The following FRMD5 variants were observed in gnomAD, a reference collection of about 807,000 sequenced individuals.
The protein encoded by FRMD5 is FERM domain-containing protein 5.
A neutral mutation model predicts 69.0 loss-of-function variants in FRMD5; 20 were observed. That is an observed-to-expected ratio of 0.29 (90% CI 0.20 to 0.42). The LOEUF (loss-of-function observed/expected upper bound fraction) is 0.42. Among genes scored for constraint, FRMD5 ranks in the 10% least tolerant of loss-of-function variants. The pLI, the probability that FRMD5 is intolerant of heterozygous loss-of-function variation, is 1.00. For missense variants in FRMD5, 595 were observed against 708.6 expected (o/e 0.84, Z 1.82); for synonymous variants, 271 against 260.1 (o/e 1.04, Z -0.40).
In FRMD5 at chr15:44,011,720, G is replaced by T. The variant is rs562571597; in HGVS notation, c.103-87411C>A. Among the ~76,000 whole-genome samples the T allele has an allele frequency of 7.2e-5, 11 of 152,270 alleles. No individual in the cohort carries two copies. In the South Asian group the frequency reaches 2.3e-3, roughly 32 times the overall value. ...AACCTTAGGGAATACTTGCATTTAG[G>T]ATAAGAAAAAGACCCTGATGACGCC... On this transcript the variant is annotated intron_variant, in intron 1 of 13. Transcript: ENST00000417257.
chr15:43,906,892 C>T (rs1359248892), intron 5 of FRMD5, among the ~76,000 whole-genome samples: 3 of 152,154 alleles, frequency 2.0e-5, no homozygotes, highest in Admixed American at 1.3e-4. Context: ...TGAGCCACCG[C>T]ACCCGGCCGA....
intron 1 of FRMD5, chr15:44,064,062 C>T: frequency 4.8e-6 from 1 of 209,976 alleles, no homozygotes; most frequent in East Asian, 1.4e-4. Context: ...TCACGGACAC[C>T]CAGAAGACTG....
chr15:43,975,009 G>A (rs868095401), intron 1 of FRMD5, among the ~76,000 whole-genome samples: 2 of 152,292 alleles, frequency 1.3e-5, no homozygotes, highest in Middle Eastern at 3.4e-3. Context: ...CCAGTGATGC[G>A]GAATTGTCTC....
At chr15:44,101,053 G>A (rs770408089) in intron 1 of FRMD5, among the ~76,000 whole-genome samples, 3 of 151,768 alleles carry the variant, frequency 2.0e-5, no homozygotes, top group Admixed American at 6.6e-5. Context: ...GGAGGCTGAC[G>A]CAGGAGAATC....
At chr15:43,898,946 A>C (rs1283707118) in intron 7 of FRMD5, among the ~76,000 whole-genome samples, 1 of 152,182 alleles carries the variant, frequency 6.6e-6, no homozygotes, top group African/African-American at 2.4e-5. Context: ...AGAAACCATC[A>C]GTGTGCACAG....
rs963249677 is a variant in FRMD5, at chr15:44,105,169, C to A, written c.102+89784G>T. On this transcript the variant is annotated intron_variant, in intron 1 of 13. Transcript: ENST00000417257. ...ACAACTCACTGCAGCCTCGATGTCC[C>A]AGGCTCAAGTGATCTTCTCACCTCA... Among the ~76,000 whole-genome samples the A allele has an allele frequency of 5.3e-5, 8 of 151,818 alleles. No homozygotes were observed. In the East Asian group the frequency reaches 1.5e-3, roughly 29 times the overall value.
At chr15:44,147,661 G>A (rs2077377722) in intron 1 of FRMD5, among the ~76,000 whole-genome samples, 1 of 152,132 alleles carries the variant, frequency 6.6e-6, no homozygotes, top group Admixed American at 6.5e-5. Flanking sequence ...AGATGGCAGA[G>A]TAAGAAGTAC....
intron 1 of FRMD5, among the ~76,000 whole-genome samples, chr15:43,934,766 C>T (rs2089731054): frequency 6.6e-6 from 1 of 152,224 alleles, no homozygotes. Flanking sequence ...AGAGTGGATC[C>T]TCAGGCTAAT....
intron 1 of FRMD5, among the ~76,000 whole-genome samples, chr15:44,177,267 C>A (rs570529482): frequency 1.3e-5 from 2 of 152,172 alleles, no homozygotes; most frequent in East Asian, 3.9e-4. Flanking sequence ...ACACAAAAAC[C>A]TGTACATAAA....
intron 1 of FRMD5, among the ~76,000 whole-genome samples, chr15:44,068,197 T>A (rs1893390020): frequency 6.6e-6 from 1 of 152,118 alleles, no homozygotes; most frequent in South Asian, 2.1e-4. Context: ...TCTCAAACAG[T>A]TAAATATAGA....
Position 43,883,922 on chromosome 15 carries a change from C to G in FRMD5, c.1029-113G>C, listed in dbSNP as rs576167130. ...GCCTGGCTATATTAAGTCTTGGTCT[C>G]TCTCTTTTTTAAAATCTTTAATACC... On this transcript the variant is annotated intron_variant, in intron 12 of 13. Transcript: ENST00000417257. 2.4e-4 allele frequency: 184 copies of G among 759,802 alleles called. No individual in the cohort carries two copies. In the African/African-American group the frequency reaches 2.9e-3, roughly 12 times the overall value. 47.1% of individuals were successfully genotyped at this position (759,802 alleles called of 1,614,324 possible).
intron 1 of FRMD5, among the ~76,000 whole-genome samples, chr15:43,969,982 C>G (rs758344199): frequency 3.9e-5 from 6 of 152,200 alleles, no homozygotes; most frequent in Non-Finnish European, 7.3e-5. Flanking sequence ...CACAGAAAGT[C>G]AGCCATGAGA....
chr15:44,199,451 T>C (rs1304260621), upstream of FRMD5, among the ~76,000 whole-genome samples: 1 of 152,134 alleles, frequency 6.6e-6, no homozygotes, highest in Non-Finnish European at 1.5e-5. Flanking sequence ...ACAACTCTCC[T>C]TACCTAGGTT....
intron 1 of FRMD5, among the ~76,000 whole-genome samples, chr15:44,111,714 T>C (rs1216204474): frequency 2.0e-5 from 3 of 152,328 alleles, no homozygotes; most frequent in Admixed American, 2.0e-4. Context: ...CTCCTAGTAC[T>C]CTCTCCATTC....
At chr15:43,908,625 A>G (rs1160987009) in intron 5 of FRMD5, among the ~76,000 whole-genome samples, 1 of 152,184 alleles carries the variant, frequency 6.6e-6, no homozygotes, top group Non-Finnish European at 1.5e-5. Flanking sequence ...AAAATGATCC[A>G]GTAGTAATGG....
intron 1 of FRMD5, among the ~76,000 whole-genome samples, chr15:44,023,496 C>A (rs1293700977): frequency 6.6e-6 from 1 of 152,162 alleles, no homozygotes; most frequent in Non-Finnish European, 1.5e-5. Context: ...ACGGAACTTT[C>A]TTTGTGGGAA....
chr15:44,185,653 C>A (rs974623027), intron 1 of FRMD5, among the ~76,000 whole-genome samples: 1 of 151,924 alleles, frequency 6.6e-6, no homozygotes, highest in South Asian at 2.1e-4. Flanking sequence ...ATTAGCTGAG[C>A]GTGGTGGTGC....
At chr15:44,126,603 A>G (rs542366370) in intron 1 of FRMD5, among the ~76,000 whole-genome samples, 1 of 152,234 alleles carries the variant, frequency 6.6e-6, no homozygotes, top group African/African-American at 2.4e-5. Flanking sequence ...GCCAATTCCA[A>G]TCTGAGTTTC....
At chr15:43,950,318 T>C (rs2090007437) in intron 1 of FRMD5, among the ~76,000 whole-genome samples, 1 of 152,146 alleles carries the variant, frequency 6.6e-6, no homozygotes, top group African/African-American at 2.4e-5. Context: ...GATCCTAAAT[T>C]CAATCCTATT....
Sources: allele counts gnomAD v4.1 joint callset (sites outside exome capture counted in the v4.1 genomes callset), GRCh38; gene constraint gnomAD v4.1.1; transcripts MANE v1.5; gene names NCBI Gene and HGNC (gene_info 2026-07-23, HGNC 2026-07-21).